LUZP2: variants seen among roughly 807,000 people sequenced by gnomAD.
LUZP2 encodes the protein leucine zipper protein 2.
In LUZP2, 52 loss-of-function variants were observed where a neutral mutation model predicts 51.6. The ratio of observed to expected loss-of-function variants is 1.01; its 90% CI spans 0.81 to 1.27. LUZP2 has a LOEUF of 1.27. Ranked by LOEUF, LUZP2 falls within the 50% of genes most tolerant of loss-of-function variation. The pLI is 0.00. For synonymous variants in LUZP2, 154 were observed against 137.3 expected (o/e 1.12, Z -0.85); for missense variants, 436 against 395.4 (o/e 1.10, Z -0.87).
chr11:25,076,859 G>GAAAT (rs1335502545), intron 10 of LUZP2, among the ~76,000 whole-genome samples: 1 of 150,666 alleles, frequency 6.6e-6, no homozygotes, highest in African/African-American at 2.4e-5. Context: ...CTTAGTTCCA[G>GAAAT]AAATATTATC....
intron 10 of LUZP2, among the ~76,000 whole-genome samples, chr11:25,074,895 C>T (rs866538699): frequency 1.3e-5 from 2 of 152,062 alleles, no homozygotes; most frequent in Non-Finnish European, 2.9e-5. Context: ...ACAATAAATA[C>T]AACTGTTTAA....
In LUZP2 at chr11:24,529,348, T is replaced by G. The variant is rs539194528; in HGVS notation, c.62+32043T>G. ...GGTATTTCACTCATGAGATCAACCA[T>G]GTAGCAACAAACCCATGAGATATTA... On this transcript the variant is annotated intron_variant, in intron 1 of 11. Transcript: ENST00000336930. Among the ~76,000 whole-genome samples, 8 of 151,116 alleles carry G rather than the reference T, an allele frequency of 5.3e-5. No individual in the cohort carries two copies. The East Asian group carries it at 1.6e-3, about 29-fold the overall frequency.
intron 9 of LUZP2, among the ~76,000 whole-genome samples, chr11:25,048,080 G>C (rs769312587): frequency 3.3e-5 from 5 of 152,092 alleles, no homozygotes; most frequent in Non-Finnish European, 7.4e-5. Flanking sequence ...CAATGTGCTG[G>C]AAATACAGGC....
At chr11:25,044,036 CT>C (rs1185072999) in intron 9 of LUZP2, among the ~76,000 whole-genome samples, 25 of 11,938 alleles carry the variant, frequency 2.1e-3, no homozygotes, top group East Asian at 0.019. Flanking sequence ...TATATAGAGT[CT>C]ATATATATAT....
intron 1 of LUZP2, among the ~76,000 whole-genome samples, chr11:24,555,499 A>G (rs1439563269): frequency 1.3e-5 from 2 of 152,208 alleles, no homozygotes; most frequent in African/African-American, 4.8e-5. Flanking sequence ...AGTAATAAGC[A>G]GAAGTTTTAC....
chr11:24,738,260 G>A lies in LUZP2; in HGVS notation c.291G>A (p.Gln97=). ...CTCTTCAGGAGGCCCTGCAAAATCA[G>A]CTTAAGGAGACATCAGAGAAAGCAG... is the stretch of plus-strand genomic sequence containing the variant. ...MKSLQEALQN[Q]LKETSEKAEK... Residue 97 remains glutamine, a synonymous_variant, in exon 4 of 12, where the codon CAG becomes CAA. Transcript: ENST00000336930. The A allele has an allele frequency of 1.2e-6, 2 of 1,612,624 alleles. No homozygotes were observed. Among genetic ancestry groups the A allele is most frequent in the Non-Finnish European group, 1.7e-6 (2 of 1,179,108 alleles).
chr11:24,698,137 ACTCTTT>A (rs1268171967), intron 1 of LUZP2, among the ~76,000 whole-genome samples: 2 of 151,860 alleles, frequency 1.3e-5, no homozygotes, highest in Non-Finnish European at 2.9e-5. Context: ...TGATAATTAA[ACTCTTT>A]CTTTTCTGCA....
At chr11:24,859,960 A>G (rs1404583911) in intron 5 of LUZP2, among the ~76,000 whole-genome samples, 2 of 152,088 alleles carry the variant, frequency 1.3e-5, no homozygotes, top group Non-Finnish European at 2.9e-5. Context: ...GCGACAAGAA[A>G]TAGCTGCAGC....
At chr11:24,969,673 C>A (rs1855690055) in intron 7 of LUZP2, among the ~76,000 whole-genome samples, 1 of 152,062 alleles carries the variant, frequency 6.6e-6, no homozygotes, top group South Asian at 2.1e-4. Context: ...CATTTAAGTG[C>A]CTAAATCAAT....
intron 1 of LUZP2, among the ~76,000 whole-genome samples, chr11:24,533,068 A>G (rs1329003276): frequency 6.6e-6 from 1 of 151,298 alleles, no homozygotes; most frequent in Non-Finnish European, 1.5e-5. Flanking sequence ...CTGTATAATC[A>G]GAGCTTTCCA....
intron 5 of LUZP2, among the ~76,000 whole-genome samples, chr11:24,886,146 G>A (rs539612170): frequency 9.9e-5 from 15 of 152,108 alleles, no homozygotes; most frequent in African/African-American, 3.6e-4. Flanking sequence ...TAATCTGTAT[G>A]TATATTAAAA....
chr11:24,777,254 A>G, intron 5 of LUZP2, among the ~76,000 whole-genome samples: 1 of 152,030 alleles, frequency 6.6e-6, no homozygotes. Context: ...CGGCCTCCCA[A>G]AGTGCTGGAA....
intron 1 of LUZP2, among the ~76,000 whole-genome samples, chr11:24,669,300 A>G (rs1856322941): frequency 6.6e-6 from 1 of 152,128 alleles, no homozygotes; most frequent in Admixed American, 6.6e-5. Flanking sequence ...ATTATTTATT[A>G]TTCTTGTGCC....
intron 5 of LUZP2, among the ~76,000 whole-genome samples, chr11:24,845,763 C>T (rs61894121): frequency 0.59 from 89,232 of 151,830 alleles, 27,624 homozygotes; most frequent in Middle Eastern, 0.7. Flanking sequence ...CTTTGTCTGC[C>T]GCCATTCATG....
At chr11:24,800,333 G>T (rs149944550) in intron 5 of LUZP2, among the ~76,000 whole-genome samples, 3 of 152,086 alleles carry the variant, frequency 2.0e-5, no homozygotes, top group Non-Finnish European at 2.9e-5. Context: ...CTGTCACATT[G>T]TGTAGGACTG....
intron 7 of LUZP2, among the ~76,000 whole-genome samples, chr11:24,938,461 A>G (rs1314478962): frequency 6.6e-6 from 1 of 152,150 alleles, no homozygotes; most frequent in Non-Finnish European, 1.5e-5. Flanking sequence ...TGCTATAATA[A>G]TTTGGTTTTA....
At chr11:24,788,662 T>TAAATAAA (rs1849317661) in intron 5 of LUZP2, among the ~76,000 whole-genome samples, 1 of 152,116 alleles carries the variant, frequency 6.6e-6, no homozygotes, top group Non-Finnish European at 1.5e-5. Context: ...AACATATAAA[T>TAAATAAA]ACTATTTATT....
At chr11:24,619,593 G>A (rs536539777) in intron 1 of LUZP2, among the ~76,000 whole-genome samples, 33 of 152,216 alleles carry the variant, frequency 2.2e-4, no homozygotes, top group African/African-American at 7.5e-4. Flanking sequence ...AAAAATTATA[G>A]TTAGTACAGT....
intron 1 of LUZP2, among the ~76,000 whole-genome samples, chr11:24,679,722 C>A (rs758774547): frequency 2.0e-5 from 3 of 152,162 alleles, no homozygotes; most frequent in East Asian, 1.9e-4. Flanking sequence ...AAGAAAAGTG[C>A]GAAATATAGG....
Sources: gnomAD v4.1 joint callset for allele counts (sites outside exome capture counted in the v4.1 genomes callset) on GRCh38, gnomAD v4.1.1 for gene constraint, MANE v1.5 for transcripts, NCBI Gene and HGNC (gene_info 2026-07-23, HGNC 2026-07-21) for gene names.